The following XIRP2 variants were observed in gnomAD, a reference collection of about 807,000 sequenced individuals.
XIRP2 encodes xin actin binding repeat containing 2.
In XIRP2, 236 loss-of-function variants were observed where a neutral mutation model predicts 277.0. That is an observed-to-expected ratio of 0.85 (90% CI 0.77 to 0.95). The LOEUF is 0.95. XIRP2 is among the 40% of genes least tolerant of loss of function. XIRP2 has a pLI of 0.00. For missense variants in XIRP2, 4,640 were observed against 4,157.5 expected (o/e 1.12, Z -3.19); for synonymous variants, 1,490 against 1,416.5 (o/e 1.05, Z -1.17).
At chr2:167,187,477 A>G (rs947901163) in intron 3 of XIRP2, 23 of 985,250 alleles carry the variant, frequency 2.3e-5, no homozygotes, top group African/African-American at 3.5e-5. Context: ...GTGAAGAACT[A>G]TAAAGATATA....
chr2:167,164,692 T>C (rs982606769), intron 3 of XIRP2, among the ~76,000 whole-genome samples: 4 of 152,160 alleles, frequency 2.6e-5, no homozygotes, highest in Admixed American at 2.6e-4. Context: ...TATATTCACC[T>C]CCAGTATATT....
At chr2:167,087,834 C>G (rs1026130484) in intron 2 of XIRP2, among the ~76,000 whole-genome samples, 1 of 152,126 alleles carries the variant, frequency 6.6e-6, no homozygotes. Flanking sequence ...GACCTGCGCC[C>G]ACTGTCTGGC....
In XIRP2 at chr2:167,041,438, G is replaced by A. The variant is rs114169508; in HGVS notation, c.409-94471G>A. Reference sequence around the variant, plus strand: ...TGAAACCTAAGGAATCTAATAAAATGATACAAGAGCTGAAAGACAAAATAG... The same window carrying A: ...TGAAACCTAAGGAATCTAATAAAATAATACAAGAGCTGAAAGACAAAATAG... On this transcript the variant is annotated intron_variant, in intron 2 of 10. Coordinates refer to ENST00000409195, the MANE Select transcript of XIRP2 (RefSeq NM_152381.6). Among the ~76,000 whole-genome samples, 166 of 152,180 alleles carry A rather than the reference G, an allele frequency of 1.1e-3. 1 individual carries two copies. Among genetic ancestry groups the A allele is most frequent in the African/African-American group, 3.7e-3 (153 of 41,548 alleles).
At chr2:167,096,357 T>C (rs560946590) in intron 2 of XIRP2, among the ~76,000 whole-genome samples, 35 of 152,326 alleles carry the variant, frequency 2.3e-4, no homozygotes, top group African/African-American at 7.9e-4. Flanking sequence ...TAGTATTCTC[T>C]GATGGTAGTT....
chr2:166,893,466 A>G (rs1684161411), intron 1 of XIRP2, among the ~76,000 whole-genome samples: 1 of 152,108 alleles, frequency 6.6e-6, no homozygotes, highest in Non-Finnish European at 1.5e-5. Context: ...ATTTTATATC[A>G]TATACTGATT....
intron 2 of XIRP2, among the ~76,000 whole-genome samples, chr2:166,943,331 G>A (rs560927420): frequency 1.3e-4 from 20 of 152,230 alleles, no homozygotes; most frequent in Admixed American, 9.8e-4. Flanking sequence ...CCAAAGCATT[G>A]AAAGGTGAAA....
chr2:166,893,130 G>A (rs907172645), intron 1 of XIRP2, among the ~76,000 whole-genome samples: 1 of 151,834 alleles, frequency 6.6e-6, no homozygotes, highest in African/African-American at 2.4e-5. Flanking sequence ...ACCTTCAGTG[G>A]TCATTCTCTG....
chr2:167,230,264 C>CAGTACTTTAGG (rs1379283439), intron 5 of XIRP2, among the ~76,000 whole-genome samples: 18 of 152,060 alleles, frequency 1.2e-4, no homozygotes, highest in African/African-American at 4.3e-4. Flanking sequence ...TCAATGAAGT[C>CAGTACTTTAGG]AGTACTTTAG....
At chr2:166,970,518 T>C (rs1437314355) in intron 2 of XIRP2, among the ~76,000 whole-genome samples, 4 of 152,008 alleles carry the variant, frequency 2.6e-5, no homozygotes, top group Non-Finnish European at 5.9e-5. Context: ...TGCAGCAGAA[T>C]GGACAGTGTA....
intron 1 of XIRP2, among the ~76,000 whole-genome samples, chr2:166,897,349 G>C (rs1010375141): frequency 6.6e-6 from 1 of 152,118 alleles, no homozygotes; most frequent in Non-Finnish European, 1.5e-5. Flanking sequence ...GGGAATATGG[G>C]AAGAAGGGTT....
At chr2:167,214,075 G>A (rs1694145089) in intron 4 of XIRP2, among the ~76,000 whole-genome samples, 1 of 119,252 alleles carries the variant, frequency 8.4e-6, no homozygotes, top group Admixed American at 9.2e-5. Context: ...AAATAGAAAG[G>A]AAGGAAGGAA....
At chr2:167,122,918 G>A (rs909097262) in intron 2 of XIRP2, among the ~76,000 whole-genome samples, 6 of 152,060 alleles carry the variant, frequency 3.9e-5, no homozygotes, top group African/African-American at 7.2e-5. Context: ...GGACTTCCAT[G>A]GGACTGTGTG....
chr2:167,184,851 G>C (rs1014666386), intron 3 of XIRP2, among the ~76,000 whole-genome samples: 1 of 152,118 alleles, frequency 6.6e-6, no homozygotes. Context: ...AATAGGTGGA[G>C]GTATCTAGGC....
At chr2:167,093,021 G>A (rs892335090) in intron 2 of XIRP2, among the ~76,000 whole-genome samples, 1 of 152,150 alleles carries the variant, frequency 6.6e-6, no homozygotes, top group East Asian at 1.9e-4. Context: ...AACCATATTC[G>A]TGGAAATAGG....
intron 2 of XIRP2, among the ~76,000 whole-genome samples, chr2:166,959,081 C>T (rs1241190729): frequency 6.6e-6 from 1 of 151,816 alleles, no homozygotes; most frequent in Non-Finnish European, 1.5e-5. Flanking sequence ...CAGAGCATCT[C>T]TGTGGTGATT....
chr2:167,258,180 T>A lies in XIRP2; in HGVS notation c.*363T>A, dbSNP rs1695718387. On this transcript the variant is annotated 3_prime_UTR_variant, in exon 11 of 11. Coordinates refer to ENST00000409195, the MANE Select transcript of XIRP2 (RefSeq NM_152381.6). ...GTCATTTGGCCTCCTTCCAAGGAGATCCCTAAGAAAACCTTACCCTTTGAG... is the reference window on the plus strand; with the variant it reads ...GTCATTTGGCCTCCTTCCAAGGAGAACCCTAAGAAAACCTTACCCTTTGAG... 3 of 1,612,964 alleles carry A rather than the reference T, an allele frequency of 1.9e-6. No homozygotes were observed. The highest frequency in any genetic ancestry group is 1.3e-5 in the African/African-American group (1 of 74,908).
At chr2:167,170,365 T>G (rs756043868) in intron 3 of XIRP2, among the ~76,000 whole-genome samples, 7 of 152,104 alleles carry the variant, frequency 4.6e-5, no homozygotes, top group Non-Finnish European at 4.4e-5. Context: ...TGAAAAAAAT[T>G]TTAGGAAATA....
intron 5 of XIRP2, among the ~76,000 whole-genome samples, chr2:167,221,643 T>A (rs1241373445): frequency 6.6e-6 from 1 of 152,090 alleles, no homozygotes; most frequent in Non-Finnish European, 1.5e-5. Flanking sequence ...ATTCTAAAAA[T>A]CACTTCTTTT....
intron 2 of XIRP2, among the ~76,000 whole-genome samples, chr2:166,988,055 C>A (rs1687057223): frequency 6.6e-6 from 1 of 152,120 alleles, no homozygotes; most frequent in Non-Finnish European, 1.5e-5. Context: ...ACATAGATGA[C>A]AAATAGGACA....
Sources: gnomAD v4.1 joint callset for allele counts (sites outside exome capture counted in the v4.1 genomes callset) on GRCh38, gnomAD v4.1.1 for gene constraint, MANE v1.5 for transcripts, NCBI Gene and HGNC (gene_info 2026-07-23, HGNC 2026-07-21) for gene names.